OR5L1: variants seen among roughly 807,000 people sequenced by gnomAD.
OR5L1 encodes olfactory receptor 5L1.
For synonymous variants in OR5L1, 197 were observed against 146.6 expected (o/e 1.34, Z -2.49); for missense variants, 398 against 365.8 (o/e 1.09, Z -0.72).
chr11:55,812,350 AAG>A lies in OR5L1; in HGVS notation c.886_887del (p.Asp296CysfsTer29). On this transcript the variant is annotated frameshift_variant, in exon 1 of 1. Coordinates refer to ENST00000625203, the MANE Select transcript of OR5L1 (RefSeq NM_001004738.2). LOFTEE classifies it low-confidence loss of function (END_TRUNC). Reference sequence around the variant, plus strand: ...TCTGTGATCTACAGCCTGAGAAATAAAGATGTGAAAGAAGCTCTCAGAAAAGT... The same window carrying A: ...TCTGTGATCTACAGCCTGAGAAATAAATGTGAAAGAAGCTCTCAGAAAAGT... The A allele has an allele frequency of 1.2e-6, 2 of 1,613,426 alleles. No individual in the cohort carries two copies. The highest frequency in any genetic ancestry group is 4.5e-5 in the East Asian group (2 of 44,876).
Position 55,811,583 on chromosome 11 carries a change from G to A in OR5L1, c.117G>A (p.Leu39=). Residue 39 remains leucine (L), a synonymous_variant, in exon 1 of 1, where the codon TTG becomes TTA. Coordinates refer to ENST00000625203, the MANE Select transcript of OR5L1 (RefSeq NM_001004738.2). ...LLFLLIYGVT[L]LANLGMIALI... ...TCCTTCTCATCTATGGAGTCACGTT[G>A]TTAGCCAACCTGGGCATGATTGCAC... 1 of 1,613,974 alleles carries A rather than the reference G, an allele frequency of 6.2e-7. No individual in the cohort carries two copies. The highest frequency in any genetic ancestry group is 1.1e-5 in the South Asian group (1 of 91,078).
At position 55,812,072 on chromosome 11, in the gene OR5L1, G is replaced by A; in HGVS notation, c.606G>A (p.Val202=). Residue 202 remains valine, a synonymous_variant, in exon 1 of 1, where the codon GTG becomes GTA. Coordinates refer to ENST00000625203, the MANE Select transcript of OR5L1 (RefSeq NM_001004738.2). ...TGAATGAGACACTGCTGTTCCTGGT[G>A]GCCACTTTGAATGAGAGTGTTACCA... is the stretch of plus-strand genomic sequence containing the variant. ...ITVNETLLFL[V]ATLNESVTIM... 6.2e-7 allele frequency: 1 copy of A among 1,613,870 alleles called. No individual in the cohort carries two copies. Among genetic ancestry groups the A allele is most frequent in the Non-Finnish European group, 8.5e-7 (1 of 1,180,006 alleles).
rs896620071 is a variant in OR5L1, at chr11:55,812,036, T to G, written c.570T>G (p.Ser190=). 5.0e-6 allele frequency: 8 copies of G among 1,614,024 alleles called. No individual in the cohort carries two copies. Among genetic ancestry groups the G allele is most frequent in the South Asian group, 1.1e-5 (1 of 91,084 alleles). The change falls in exon 1 of 1, where the codon TCT becomes TCG. Residue 190 remains serine (S), a synonymous_variant. Coordinates refer to ENST00000625203, the MANE Select transcript of OR5L1 (RefSeq NM_001004738.2). ...DLPPVLSLAC[S]DITVNETLLF... is the part of the protein sequence containing the mutation. ...CTCCTGTCTTAAGTCTTGCTTGCTC[T>G]GATATCACTGTGAATGAGACACTGC...
chr11:55,812,343 A>T lies in OR5L1; in HGVS notation c.877A>T (p.Arg293Ter), dbSNP rs267602979. Residue 293 changes from arginine to a stop codon, truncating the protein, a stop_gained, in exon 1 of 1, where the codon AGA becomes TGA. Transcript: ENST00000625203. LOFTEE classifies it low-confidence loss of function (END_TRUNC). ...GCTGAACTCTGTGATCTACAGCCTGAGAAATAAAGATGTGAAAGAAGCTCT... is the reference window on the plus strand; with the variant it reads ...GCTGAACTCTGTGATCTACAGCCTGTGAAATAAAGATGTGAAAGAAGCTCT... ...PMLNSVIYSLRNKDVKEALRK... is the reference protein window; with the variant it reads ...PMLNSVIYSL The T allele has an allele frequency of 6.2e-7, 1 of 1,613,756 alleles. No individual in the cohort carries two copies. The highest frequency in any genetic ancestry group is 1.1e-5 in the South Asian group (1 of 91,044).
Position 55,811,988 on chromosome 11 carries a change from T to G in OR5L1, c.522T>G (p.Ile174Met). Residue 174 changes from isoleucine to methionine, a missense_variant, in exon 1 of 1, where the codon ATT (isoleucine) becomes ATG (methionine). By Grantham distance (10) the Ile-to-Met change is conservative. Coordinates refer to ENST00000625203, the MANE Select transcript of OR5L1 (RefSeq NM_001004738.2). The part of the protein sequence containing the change: ...LRIPFYRSNV[I>M]NHFFCDLPPV... ...TCCCCTTCTATAGATCTAATGTGAT[T>G]AACCACTTTTTCTGTGATCTACCTC... 1 of 1,613,920 alleles carries G rather than the reference T, an allele frequency of 6.2e-7. No homozygotes were observed. The highest frequency in any genetic ancestry group is 8.5e-7 in the Non-Finnish European group (1 of 1,179,994).
Position 55,811,746 on chromosome 11 carries a change from T to A in OR5L1, c.280T>A (p.Phe94Ile), listed in dbSNP as rs1387689785. The change falls in exon 1 of 1, where the codon TTC (phenylalanine) becomes ATC (isoleucine). Residue 94 changes from phenylalanine to isoleucine, a missense_variant. Transcript: ENST00000625203. The stretch of plus-strand genomic sequence containing the variant: ...CTTTAACAAGGACAAAGCCATCTCC[T>A]TCCTAGGGTGCATGGTGCAATTCTA... ...NIFNKDKAIS[F>I]LGCMVQFYLF... The A allele has an allele frequency of 2.5e-6, 4 of 1,613,918 alleles. No homozygotes were observed. Among genetic ancestry groups the A allele is most frequent in the Non-Finnish European group, 3.4e-6 (4 of 1,180,030 alleles).
chr11:55,812,237 C>T lies in OR5L1; in HGVS notation c.771C>T (p.Ser257=). The change falls in exon 1 of 1, where the codon TCC becomes TCT. Residue 257 remains serine, a synonymous_variant. Transcript: ENST00000625203. ...CTGTCTTCCATGGAACAGTCCTTTC[C>T]ATTTATTGCAGGCCCAGTTCAGGCA... ...AITVFHGTVL[S]IYCRPSSGNS... 6.2e-7 allele frequency: 1 copy of T among 1,613,922 alleles called. No homozygotes were observed. The highest frequency in any genetic ancestry group is 1.1e-5 in the South Asian group (1 of 91,082).
rs758557451 is a variant in OR5L1 at position 55,812,354 on chromosome 11, T to C, written c.888T>C (p.Asp296=). Residue 296 remains aspartate (D), a synonymous_variant, in exon 1 of 1, where the codon GAT becomes GAC. Coordinates refer to ENST00000625203, the MANE Select transcript of OR5L1 (RefSeq NM_001004738.2). ...NSVIYSLRNK[D]VKEALRKVMG... ...TGATCTACAGCCTGAGAAATAAAGA[T>C]GTGAAAGAAGCTCTCAGAAAAGTGA... is the stretch of plus-strand genomic sequence containing the variant. 2.5e-6 allele frequency: 4 copies of C among 1,613,296 alleles called. No homozygotes were observed. The East Asian group carries it at 8.9e-5, about 36-fold the overall frequency.
rs1229906113 is a variant in OR5L1, at chr11:55,811,724, T to C, written c.258T>C (p.Phe86=). The C allele has an allele frequency of 6.2e-7, 1 of 1,614,094 alleles. No individual in the cohort carries two copies. The highest frequency in any genetic ancestry group is 1.7e-5 in the Admixed American group (1 of 60,012). Residue 86 remains phenylalanine (F), a synonymous_variant, in exon 1 of 1, where the codon TTT becomes TTC. Coordinates refer to ENST00000625203, the MANE Select transcript of OR5L1 (RefSeq NM_001004738.2). ...IIVPKMLANI[F]NKDKAISFLG... ...TGCCAAAAATGTTGGCTAATATCTT[T>C]AACAAGGACAAAGCCATCTCCTTCC...
chr11:55,811,379 C>A lies in OR5L1; in HGVS notation c.-88C>A. 1 of 1,373,050 alleles carries A rather than the reference C, an allele frequency of 7.3e-7. No individual in the cohort carries two copies. The highest frequency in any genetic ancestry group is 9.8e-7 in the Non-Finnish European group (1 of 1,020,388). 85.1% of individuals were successfully genotyped at this position (1,373,050 alleles called of 1,614,324 possible). On this transcript the variant is annotated 5_prime_UTR_variant, in exon 1 of 1. Transcript: ENST00000625203. Reference sequence around the variant, plus strand: ...TCCTACTTTTTCTGGTGTCTTTTTACAGGATACAGCCAAAACTAAAATTTA... The same window carrying A: ...TCCTACTTTTTCTGGTGTCTTTTTAAAGGATACAGCCAAAACTAAAATTTA...
Position 55,812,420 on chromosome 11 carries a change from C to CAG in OR5L1, c.*19_*20insGA, listed in dbSNP as rs745378452. 18 of 1,565,380 alleles carry CAG rather than the reference C, an allele frequency of 1.1e-5. No individual in the cohort carries two copies. Among genetic ancestry groups the CAG allele is most frequent in the Middle Eastern group, 1.7e-4 (1 of 5,876 alleles). On this transcript the variant is annotated 3_prime_UTR_variant, in exon 1 of 1. Transcript: ENST00000625203. ...ACTCCTAGGGAAGATTTTATTAGCA[C>CAG]AATTCAGGATTCCCAAGTAGTGGCA... is the stretch of plus-strand genomic sequence containing the variant.
Position 55,811,550 on chromosome 11 carries a change from C to T in OR5L1, c.84C>T (p.Phe28=). The change falls in exon 1 of 1, where the codon TTC becomes TTT. Residue 28 remains phenylalanine (F), a synonymous_variant. Transcript: ENST00000625203. ...SDVPELRVCL[F]LLFLLIYGVT... is the part of the protein sequence containing the mutation. ...TCCCTGAGTTGAGAGTCTGCCTCTT[C>T]CTGCTGTTCCTTCTCATCTATGGAG... 1 of 1,614,028 alleles carries T rather than the reference C, an allele frequency of 6.2e-7. No individual in the cohort carries two copies. Among genetic ancestry groups the T allele is most frequent in the East Asian group, 2.2e-5 (1 of 44,874 alleles).
chr11:55,811,675 A>G lies in OR5L1; in HGVS notation c.209A>G (p.Asp70Gly). 1 of 1,613,974 alleles carries G rather than the reference A, an allele frequency of 6.2e-7. No individual in the cohort carries two copies. The highest frequency in any genetic ancestry group is 8.5e-7 in the Non-Finnish European group (1 of 1,180,020). ...TTCCTCAGCCACTTGTCCTCTGTAG[A>G]TTTCTGCTACTCCTCAATAATTGTG... ...YFFLSHLSSV[D>G]FCYSSIIVPK... The change falls in exon 1 of 1, where the codon GAT (aspartate) becomes GGT (glycine). Residue 70 changes from aspartate (D) to glycine (G), a missense_variant. Asp to Gly is a moderately conservative substitution (Grantham distance 94). Transcript: ENST00000625203.
In OR5L1 at chr11:55,811,723, T is replaced by C. The variant is rs1164061200; in HGVS notation, c.257T>C (p.Phe86Ser). The change falls in exon 1 of 1, where the codon TTT (phenylalanine) becomes TCT (serine). Residue 86 changes from phenylalanine (F) to serine (S), a missense_variant. Phe to Ser is a radical substitution (Grantham distance 155, BLOSUM62 -2). Coordinates refer to ENST00000625203, the MANE Select transcript of OR5L1 (RefSeq NM_001004738.2). ...IIVPKMLANI[F>S]NKDKAISFLG... Reference sequence around the variant, plus strand: ...GTGCCAAAAATGTTGGCTAATATCTTTAACAAGGACAAAGCCATCTCCTTC... The same window carrying C: ...GTGCCAAAAATGTTGGCTAATATCTCTAACAAGGACAAAGCCATCTCCTTC... 1 of 1,614,096 alleles carries C rather than the reference T, an allele frequency of 6.2e-7. No homozygotes were observed. The highest frequency in any genetic ancestry group is 2.2e-5 in the East Asian group (1 of 44,880).
In OR5L1 at chr11:55,811,786, G is replaced by A; in HGVS notation, c.320G>A (p.Cys107Tyr). Reference protein sequence around the residue: ...CMVQFYLFCTCVVTEVFLLAV... With the variant: ...CMVQFYLFCTYVVTEVFLLAV... ...GTGCAATTCTACTTGTTTTGCACTT[G>A]TGTGGTCACTGAGGTCTTCCTGCTG... Residue 107 changes from cysteine (C) to tyrosine (Y), a missense_variant, in exon 1 of 1, where the codon TGT becomes TAT. By Grantham distance (194) the Cys-to-Tyr change is radical (BLOSUM62 -2). Coordinates refer to ENST00000625203, the MANE Select transcript of OR5L1 (RefSeq NM_001004738.2). The A allele has an allele frequency of 6.2e-7, 1 of 1,614,010 alleles. No homozygotes were observed. The highest frequency in any genetic ancestry group is 1.1e-5 in the South Asian group (1 of 91,086).
rs1283972118 is a variant in OR5L1, at chr11:55,812,283, G to A, written c.817G>A (p.Val273Met). 6.6e-7 allele frequency: 1 copy of A among 1,519,406 alleles called. No homozygotes were observed. Among genetic ancestry groups the A allele is most frequent in the East Asian group, 2.5e-5 (1 of 40,548 alleles). The allele number at this position is 1,519,406 out of a possible 1,614,324, so 94.1% of individuals were successfully genotyped here. A position where few individuals can be genotyped will look rare whatever the true frequency, so the allele number is the denominator to read the frequency against. The part of the protein sequence containing the change: ...SSGNSGDADK[V>M]ATVFYTVVIP... ...AGGCAATAGTGGAGATGCTGACAAA[G>A]TGGCCACCGTGTTCTACACAGTCGT... The change falls in exon 1 of 1, where the codon GTG (valine) becomes ATG (methionine). Residue 273 changes from valine (V) to methionine (M), a missense_variant. By Grantham distance (21) the Val-to-Met change is conservative (BLOSUM62 1). Coordinates refer to ENST00000625203, the MANE Select transcript of OR5L1 (RefSeq NM_001004738.2).
At position 55,811,580 on chromosome 11, in the gene OR5L1, G is replaced by T; in HGVS notation, c.114G>T (p.Thr38=). The T allele has an allele frequency of 6.2e-7, 1 of 1,613,892 alleles. No homozygotes were observed. Among genetic ancestry groups the T allele is most frequent in the African/African-American group, 1.3e-5 (1 of 74,842 alleles). ...TGTTCCTTCTCATCTATGGAGTCAC[G>T]TTGTTAGCCAACCTGGGCATGATTG... ...FLLFLLIYGV[T]LLANLGMIAL... Residue 38 remains threonine (T), a synonymous_variant, in exon 1 of 1, where the codon ACG becomes ACT. Transcript: ENST00000625203.
In OR5L1 at chr11:55,811,563, C is replaced by T. The variant is rs780258456; in HGVS notation, c.97C>T (p.Leu33Phe). The change falls in exon 1 of 1, where the codon CTC becomes TTC. Residue 33 changes from leucine to phenylalanine, a missense_variant. Transcript: ENST00000625203. Reference protein sequence around the residue: ...LRVCLFLLFLLIYGVTLLANL... With the variant: ...LRVCLFLLFLFIYGVTLLANL... Reference sequence around the variant, plus strand: ...AGTCTGCCTCTTCCTGCTGTTCCTTCTCATCTATGGAGTCACGTTGTTAGC... The same window carrying T: ...AGTCTGCCTCTTCCTGCTGTTCCTTTTCATCTATGGAGTCACGTTGTTAGC... 1.4e-5 allele frequency: 22 copies of T among 1,613,858 alleles called. No homozygotes were observed. In the Admixed American group the frequency reaches 1.7e-4, roughly 12 times the overall value.
In OR5L1 at chr11:55,811,744, C is replaced by A; in HGVS notation, c.278C>A (p.Ser93Tyr). 1 of 1,614,026 alleles carries A rather than the reference C, an allele frequency of 6.2e-7. No individual in the cohort carries two copies. Among genetic ancestry groups the A allele is most frequent in the East Asian group, 2.2e-5 (1 of 44,880 alleles). ...ANIFNKDKAI[S>Y]FLGCMVQFYL... ...ATCTTTAACAAGGACAAAGCCATCT[C>A]CTTCCTAGGGTGCATGGTGCAATTC... The change falls in exon 1 of 1, where the codon TCC (serine) becomes TAC (tyrosine). Residue 93 changes from serine (S) to tyrosine (Y), a missense_variant. Physicochemically the swap from Ser to Tyr is moderately radical, Grantham distance 144. Transcript: ENST00000625203.
Sources: gnomAD v4.1 joint callset for allele counts on GRCh38, gnomAD v4.1.1 for gene constraint, MANE v1.5 for transcripts, NCBI Gene and HGNC (gene_info 2026-07-23, HGNC 2026-07-21) for gene names.